The following CDH10 variants were observed in gnomAD, a reference collection of about 807,000 sequenced individuals.
CDH10 encodes cadherin 10.
In CDH10, 30 loss-of-function variants were observed where a neutral mutation model predicts 73.1. That is an observed-to-expected ratio of 0.41 (90% CI 0.31 to 0.56). The LOEUF is 0.56. Ranked by LOEUF, CDH10 falls within the 20% of genes least tolerant of loss-of-function variation. CDH10 has a pLI of 0.27. For missense variants in CDH10, 815 were observed against 973.7 expected (o/e 0.84, Z 2.17); for synonymous variants, 345 against 348.2 (o/e 0.99, Z 0.10).
Position 24,495,721 on chromosome 5 carries a change from C to T in CDH10, c.1515+2677G>A, listed in dbSNP as rs542583906. Among the ~76,000 whole-genome samples the T allele has an allele frequency of 1.1e-4, 17 of 152,060 alleles. No homozygotes were observed. The East Asian group carries it at 3.3e-3, about 30-fold the overall frequency. On this transcript the variant is annotated intron_variant, in intron 9 of 11. Transcript: ENST00000264463. ...AATCAGGCGGGCGTGGTGGTGCGCA[C>T]CTGCAGTCCCAGCTACTTGGGAGGC... is the stretch of plus-strand genomic sequence containing the variant.
In CDH10 at chr5:24,498,445, C is replaced by T. The variant is rs1435256558; in HGVS notation, c.1468G>A (p.Ala490Thr). The part of the protein sequence containing the change: ...LDVNDNAPQF[A>T]VFYDTFVCEN... Reference sequence around the variant, plus strand: ...CATACAAAAGTGTCATAGAACACAGCAAACTGTGGGGCATTGTCATTAACA... The same window carrying T: ...CATACAAAAGTGTCATAGAACACAGTAAACTGTGGGGCATTGTCATTAACA... Residue 490 changes from alanine (A) to threonine (T), a missense_variant, in exon 9 of 12, where the codon GCT becomes ACT. Physicochemically the swap from Ala to Thr is moderately conservative, Grantham distance 58 (BLOSUM62 0). This residue lies in a region of CDH10 where 516 missense variants were observed against 636.6 expected (regional missense o/e 0.81). Transcript: ENST00000264463. 3 of 1,602,136 alleles carry T rather than the reference C, an allele frequency of 1.9e-6. No individual in the cohort carries two copies. In the African/African-American group the frequency reaches 4.0e-5, roughly 21 times the overall value.
In CDH10 at chr5:24,644,767, A is replaced by G. The variant is rs1286884919; in HGVS notation, c.-297T>C. The G allele has an allele frequency of 6.6e-6, 1 of 151,366 alleles. No individual in the cohort carries two copies. The highest frequency in any genetic ancestry group is 2.4e-5 in the African/African-American group (1 of 41,258). The allele number at this position is 151,366 out of a possible 1,614,324, so 9.4% of individuals were successfully genotyped here. On this transcript the variant is annotated 5_prime_UTR_variant, in exon 1 of 12. Transcript: ENST00000264463. ...CACTTTTAACTCTGGACAGCAGGGA[A>G]CCGAAGAAAACGGGGGCGAGCTCTC...
intron 1 of CDH10, among the ~76,000 whole-genome samples, chr5:24,639,299 G>A (rs1323045573): frequency 6.6e-6 from 1 of 151,536 alleles, no homozygotes; most frequent in Non-Finnish European, 1.5e-5. Flanking sequence ...TATTGAGAGT[G>A]GAGCTATATT....
intron 2 of CDH10, among the ~76,000 whole-genome samples, chr5:24,544,629 C>T (rs1329566333): frequency 6.6e-6 from 1 of 152,138 alleles, no homozygotes; most frequent in Non-Finnish European, 1.5e-5. Context: ...TCCAAGTCTG[C>T]AGCCTATTGA....
chr5:24,527,407 A>T (rs1447256641), intron 5 of CDH10, among the ~76,000 whole-genome samples: 1 of 150,512 alleles, frequency 6.6e-6, no homozygotes, highest in African/African-American at 2.4e-5. Flanking sequence ...ATATATATTT[A>T]TATTTATACA....
rs141786276 is a variant in CDH10, at chr5:24,491,613, G to A, written c.1839C>T (p.Ala613=). Residue 613 remains alanine (A), a synonymous_variant, in exon 11 of 12, where the codon GCC becomes GCT. Transcript: ENST00000264463. The stretch of plus-strand genomic sequence containing the variant: ...TGATGCAGAGGAGGATGGCGATCAA[G>A]GCCCCAGTGCTGAGGCCGGCAGGGA... ...LLLPAGLSTG[A]LIAILLCIII... is the part of the protein sequence containing the mutation. 174 of 1,613,584 alleles carry A rather than the reference G, an allele frequency of 1.1e-4. No individual in the cohort carries two copies. Among genetic ancestry groups the A allele is most frequent in the Non-Finnish European group, 1.4e-4 (169 of 1,179,770 alleles).
Position 24,569,230 on chromosome 5 carries a change from A to G in CDH10, c.231+24030T>C, listed in dbSNP as rs193005195. Among the ~76,000 whole-genome samples the G allele has an allele frequency of 2.4e-3, 359 of 152,298 alleles. 2 individuals are homozygous for G. Among genetic ancestry groups the G allele is most frequent in the African/African-American group, 7.9e-3 (330 of 41,548 alleles). ...AATTTATAGAGACAGAAAATAGCAT[A>G]GTGGTTACTATGGGTGAGGGAGATA... On this transcript the variant is annotated intron_variant, in intron 2 of 11. Coordinates refer to ENST00000264463, the MANE Select transcript of CDH10 (RefSeq NM_006727.5).
chr5:24,596,685 T>C (rs1358839138), intron 1 of CDH10, among the ~76,000 whole-genome samples: 3 of 151,960 alleles, frequency 2.0e-5, no homozygotes, highest in South Asian at 2.1e-4. Context: ...AACCCTGATA[T>C]GTAACTTCTT....
At chr5:24,558,171 C>T (rs5023913) in intron 2 of CDH10, among the ~76,000 whole-genome samples, 125,550 of 151,570 alleles carry the variant, frequency 0.83, 52,034 homozygotes, top group East Asian at 0.9. Context: ...TGTAGGACAT[C>T]CTGTAAATAA....
chr5:24,545,602 G>A (rs1329676253), intron 2 of CDH10, among the ~76,000 whole-genome samples: 1 of 152,022 alleles, frequency 6.6e-6, no homozygotes, highest in Non-Finnish European at 1.5e-5. Context: ...ATCTTTTGAG[G>A]CCAGGAGATC....
intron 1 of CDH10, among the ~76,000 whole-genome samples, chr5:24,605,232 T>C (rs984665129): frequency 2.0e-5 from 3 of 152,172 alleles, no homozygotes; most frequent in Non-Finnish European, 4.4e-5. Context: ...GGAAAGGATA[T>C]AGAGCAGGGA....
At chr5:24,495,413 T>C (rs1742234996) in intron 9 of CDH10, among the ~76,000 whole-genome samples, 1 of 152,204 alleles carries the variant, frequency 6.6e-6, no homozygotes, top group African/African-American at 2.4e-5. Context: ...TCAGTGTTCA[T>C]ATTATTACAG....
intron 5 of CDH10, among the ~76,000 whole-genome samples, chr5:24,531,739 A>G (rs1743760864): frequency 2.0e-5 from 3 of 152,216 alleles, no homozygotes; most frequent in East Asian, 3.9e-4. Flanking sequence ...GGGAGCTACA[A>G]TTCAAGATGA....
At chr5:24,572,575 G>A (rs1745424805) in intron 2 of CDH10, among the ~76,000 whole-genome samples, 1 of 152,046 alleles carries the variant, frequency 6.6e-6, no homozygotes, top group Non-Finnish European at 1.5e-5. Flanking sequence ...TTAGAAAAAA[G>A]AGAAAGGTTA....
intron 8 of CDH10, among the ~76,000 whole-genome samples, chr5:24,501,979 C>T (rs908835421): frequency 2.6e-5 from 4 of 151,698 alleles, no homozygotes; most frequent in Non-Finnish European, 5.9e-5. Context: ...AGTGCAGTGG[C>T]GCAATCTCCG....
intron 8 of CDH10, among the ~76,000 whole-genome samples, chr5:24,499,800 T>C (rs1742425087): frequency 6.6e-6 from 1 of 152,200 alleles, no homozygotes; most frequent in Non-Finnish European, 1.5e-5. Context: ...TTGGTTATAA[T>C]TGCATTTTTC....
chr5:24,571,725 T>C (rs572853785), intron 2 of CDH10, among the ~76,000 whole-genome samples: 1 of 152,172 alleles, frequency 6.6e-6, no homozygotes, highest in East Asian at 1.9e-4. Context: ...AATAATGCTA[T>C]GTATCAATGA....
rs140106328 is a variant in CDH10, at chr5:24,542,822, T to C, written c.232-5148A>G. On this transcript the variant is annotated intron_variant, in intron 2 of 11. Transcript: ENST00000264463. ...ATGGCAGAAGGGCAAAAGGTCTTCATTGAGGATCTCTTGCTGGAGCACTAA... is the reference window on the plus strand; with the variant it reads ...ATGGCAGAAGGGCAAAAGGTCTTCACTGAGGATCTCTTGCTGGAGCACTAA... Among the ~76,000 whole-genome samples, 191 of 152,248 alleles carry C rather than the reference T, an allele frequency of 1.3e-3. 1 individual carries two copies. Among genetic ancestry groups the C allele is most frequent in the African/African-American group, 4.3e-3 (178 of 41,556 alleles).
At chr5:24,593,064 A>G (rs1746253759) in intron 2 of CDH10, among the ~76,000 whole-genome samples, 196 bp downstream of exon 2, 1 of 151,896 alleles carries the variant, frequency 6.6e-6, no homozygotes, top group African/African-American at 2.4e-5. Context: ...TCTAATAAAT[A>G]AATTTATGCA....
Sources: allele counts gnomAD v4.1 joint callset (sites outside exome capture counted in the v4.1 genomes callset), GRCh38; gene constraint gnomAD v4.1.1; regional missense constraint gnomAD v4.1.1; transcripts MANE v1.5; gene names NCBI Gene and HGNC (gene_info 2026-07-23, HGNC 2026-07-21).